FSTL4: variants seen among roughly 807,000 people sequenced by gnomAD.
FSTL4 encodes the protein follistatin-related protein 4.
A neutral mutation model predicts 78.2 loss-of-function variants in FSTL4; 28 were observed. The ratio of observed to expected loss-of-function variants is 0.36; its 90% CI spans 0.27 to 0.49. The LOEUF (loss-of-function observed/expected upper bound fraction) is 0.49. FSTL4 is among the 20% of genes least tolerant of loss of function. The probability of loss-of-function intolerance (pLI) is 0.98; values close to 1 mark genes in which losing one functional copy is unlikely to be tolerated. For synonymous variants in FSTL4, 422 were observed against 440.5 expected, an observed-to-expected ratio of 0.96 and a Z score of 0.53; for missense variants, 922 against 1,084.9, an observed-to-expected ratio of 0.85 and a Z score of 2.11.
intron 3 of FSTL4, among the ~76,000 whole-genome samples, chr5:133,401,805 T>C (rs985989196): frequency 6.6e-6 from 1 of 152,032 alleles, no homozygotes; most frequent in Admixed American, 6.5e-5. Flanking sequence ...GCCCTGTGGG[T>C]GGCATTTGCA....
the FSTL4 span, among the ~76,000 whole-genome samples, chr5:133,643,877 G>T: frequency 6.6e-6 from 1 of 152,176 alleles, no homozygotes; most frequent in Non-Finnish European, 1.5e-5. Flanking sequence ...TGAGAGCCTC[G>T]CAGCAATTCG....
chr5:133,382,968 G>A (rs1755610144), intron 4 of FSTL4, among the ~76,000 whole-genome samples: 1 of 152,162 alleles, frequency 6.6e-6, no homozygotes, highest in African/African-American at 2.4e-5. Flanking sequence ...AGGAGGAACA[G>A]AGCGTGCAAC....
the FSTL4 span, among the ~76,000 whole-genome samples, chr5:133,721,128 T>C: frequency 3.9e-5 from 6 of 152,264 alleles, no homozygotes; most frequent in Non-Finnish European, 5.9e-5. Flanking sequence ...ACATATTTAT[T>C]GTGTGTGAAA....
At position 133,400,844 on chromosome 5, in the gene FSTL4, G is replaced by A. The variant is rs147787800; in HGVS notation, c.303C>T (p.Cys101=). 1,041 of 1,614,002 alleles carry A rather than the reference G, an allele frequency of 6.4e-4. 8 individuals carry two copies. Among genetic ancestry groups the A allele is most frequent in the Middle Eastern group, 1.5e-3 (9 of 6,062 alleles). ...EACRPSYVPV[C]GSDGRFYENH... is the part of the protein sequence containing the mutation. ...TTTCATAAAACCTCCCATCAGAGCC[G>A]CACACAGGCACGTAGCTGGGCCTGC... is the stretch of plus-strand genomic sequence containing the variant. Residue 101 remains cysteine, a synonymous_variant, in exon 4 of 16, where the codon TGC becomes TGT. Coordinates refer to ENST00000265342, the MANE Select transcript of FSTL4 (RefSeq NM_015082.2).
At chr5:133,500,331 C>T (rs1232295061) in intron 3 of FSTL4, among the ~76,000 whole-genome samples, 1 of 152,196 alleles carries the variant, frequency 6.6e-6, no homozygotes, top group Admixed American at 6.5e-5. Flanking sequence ...GAGACTGGAG[C>T]TCATGCTTAC....
chr5:133,493,295 A>G (rs183654585), intron 3 of FSTL4, among the ~76,000 whole-genome samples: 253 of 152,214 alleles, frequency 1.7e-3, no homozygotes, highest in Non-Finnish European at 3.0e-3. Flanking sequence ...GGCATCCTGT[A>G]TATTCTGGTG....
intron 6 of FSTL4, among the ~76,000 whole-genome samples, chr5:133,281,423 C>G (rs2126859213): frequency 6.6e-6 from 1 of 152,290 alleles, no homozygotes; most frequent in Non-Finnish European, 1.5e-5. Flanking sequence ...AAGCCCTTTA[C>G]ACACATTTTC....
chr5:133,638,616 C>T, the FSTL4 span, among the ~76,000 whole-genome samples: 3 of 152,178 alleles, frequency 2.0e-5, no homozygotes, highest in African/African-American at 7.2e-5. Flanking sequence ...TGACCAGCCT[C>T]CCTAAAATTT....
At position 133,406,935 on chromosome 5, in the gene FSTL4, A is replaced by G. The variant is rs565446478; in HGVS notation, c.161-5949T>C. On this transcript the variant is annotated intron_variant, in intron 3 of 15. Transcript: ENST00000265342. ...AGGTGGTAGAGCCTAGCTTTGAATC[A>G]GTCTCACTCCAAATCCCTTGAACTT... 5.9e-5 allele frequency among the ~76,000 whole-genome samples: 9 copies of G among 152,324 alleles called. No homozygotes were observed. In the East Asian group the frequency reaches 1.7e-3, roughly 29 times the overall value.
chr5:133,334,541 G>A lies in FSTL4; in HGVS notation c.410-17889C>T, dbSNP rs115429189. On this transcript the variant is annotated intron_variant, in intron 4 of 15. Transcript: ENST00000265342. ...GTCTTTTGATCTGGGTGCTGGTTAC[G>A]CAGATATGTTCTCTGTGGAAGTTCA... Among the ~76,000 whole-genome samples, 662 of 152,278 alleles carry A rather than the reference G, an allele frequency of 4.3e-3. 7 individuals carry two copies. Among genetic ancestry groups the A allele is most frequent in the African/African-American group, 0.015 (628 of 41,562 alleles).
chr5:133,660,402 G>A, the FSTL4 span, among the ~76,000 whole-genome samples: 1 of 152,324 alleles, frequency 6.6e-6, no homozygotes, highest in Admixed American at 6.5e-5. Flanking sequence ...CAGCTAAGCC[G>A]AGATTGGAAG....
chr5:133,682,009 C>A, the FSTL4 span, among the ~76,000 whole-genome samples: 1 of 152,110 alleles, frequency 6.6e-6, no homozygotes, highest in Non-Finnish European at 1.5e-5. Context: ...GCAGAGATTC[C>A]CCAGGCCTGC....
intron 4 of FSTL4, among the ~76,000 whole-genome samples, chr5:133,380,564 A>G (rs976626787): frequency 8.1e-4 from 123 of 152,058 alleles, no homozygotes; most frequent in Non-Finnish European, 4.6e-4. Flanking sequence ...AAGGGACCAA[A>G]TTAATTCACT....
chr5:133,489,269 C>T (rs1758207868), intron 3 of FSTL4, among the ~76,000 whole-genome samples: 1 of 152,226 alleles, frequency 6.6e-6, no homozygotes. Context: ...CAGAGATGTT[C>T]ATTGCACTGA....
intron 13 of FSTL4, among the ~76,000 whole-genome samples, chr5:133,212,413 C>T (rs1450819334): frequency 1.3e-5 from 2 of 152,220 alleles, no homozygotes; most frequent in African/African-American, 4.8e-5. Flanking sequence ...AGATCTGATC[C>T]TGGCAAACAA....
chr5:133,429,365 G>C (rs1307665868), intron 3 of FSTL4, among the ~76,000 whole-genome samples: 1 of 152,052 alleles, frequency 6.6e-6, no homozygotes, highest in Non-Finnish European at 1.5e-5. Flanking sequence ...TCTCACAAGG[G>C]AGGTAGAAAT....
chr5:133,228,275 T>C (rs963914211), intron 8 of FSTL4, among the ~76,000 whole-genome samples: 2 of 152,150 alleles, frequency 1.3e-5, no homozygotes, highest in African/African-American at 2.4e-5. Context: ...AGTACCAGCA[T>C]TGAGTTAAGG....
At chr5:133,800,112 A>G in the FSTL4 span, among the ~76,000 whole-genome samples, 3 of 139,116 alleles carry the variant, frequency 2.2e-5, 1 homozygote, top group Non-Finnish European at 4.8e-5. Flanking sequence ...GCAGGAATTC[A>G]GGTAGCTATC....
chr5:133,615,277 T>C (rs1761177376), upstream of FSTL4, among the ~76,000 whole-genome samples: 1 of 152,248 alleles, frequency 6.6e-6, no homozygotes, highest in Non-Finnish European at 1.5e-5. Flanking sequence ...AGAGTCTTCC[T>C]TGTCTTGCAT....
Sources: allele counts gnomAD v4.1 joint callset (sites outside exome capture counted in the v4.1 genomes callset), GRCh38; gene constraint gnomAD v4.1.1; transcripts MANE v1.5; gene names NCBI Gene and HGNC (gene_info 2026-07-23, HGNC 2026-07-21).